TPST2: variants seen among roughly 807,000 people sequenced by gnomAD.
TPST2 encodes protein-tyrosine sulfotransferase 2.
Under a neutral mutation model 27.8 loss-of-function variants are expected in TPST2, and 16 were observed. That is an observed-to-expected ratio of 0.58 (90% CI 0.39 to 0.88). The LOEUF is 0.88. Ranked by LOEUF, TPST2 falls within the 40% of genes least tolerant of loss-of-function variation. The probability of loss-of-function intolerance (pLI) is 0.00; values close to 1 mark genes in which losing one functional copy is unlikely to be tolerated. For synonymous variants in TPST2, 229 were observed against 231.7 expected (o/e 0.99, Z 0.10); for missense variants, 464 against 543.1 (o/e 0.85, Z 1.45).
rs1228193191 is a variant in TPST2 at position 26,541,596 on chromosome 22, G to A, written c.35C>T (p.Ala12Val). The A allele has an allele frequency of 1.9e-6, 3 of 1,596,476 alleles. No individual in the cohort carries two copies. The highest frequency in any genetic ancestry group is 2.6e-6 in the Non-Finnish European group (3 of 1,174,694). ...RLSVRRVLLA[A>V]GCALVLVLAV... ...CAGCACCAGGACCAGGGCGCAGCCG[G>A]CTGCCAGCAGCACCCTCCGCACCGA... Residue 12 changes from alanine (A) to valine (V), a missense_variant, in exon 3 of 7, where the codon GCC (alanine) becomes GTC (valine). Transcript: ENST00000338754. The surrounding 1 kb of genome is among the most constrained non-coding windows in gnomAD (Gnocchi z 5.9).
intron 1 of TPST2, among the ~76,000 whole-genome samples, chr22:26,568,864 CTTTT>C (rs985608738): frequency 3.3e-5 from 4 of 119,596 alleles, no homozygotes; most frequent in African/African-American, 6.3e-5. Context: ...ACCCTGAATT[CTTTT>C]TTTTTTTTTT....
chr22:26,579,992 C>A (rs1441168761), intron 1 of TPST2, among the ~76,000 whole-genome samples: 3 of 152,098 alleles, frequency 2.0e-5, no homozygotes, highest in African/African-American at 7.2e-5. Flanking sequence ...CGTCTGTAAT[C>A]CCAGTACTTT....
intron 3 of TPST2, among the ~76,000 whole-genome samples, chr22:26,538,374 T>C (rs759744240): frequency 6.6e-6 from 1 of 152,246 alleles, no homozygotes; most frequent in Non-Finnish European, 1.5e-5. Flanking sequence ...TAGGACTTTA[T>C]GGTGCAGAAA....
chr22:26,578,658 C>T lies in TPST2; in HGVS notation c.-161+11395G>A, dbSNP rs779874492. ...CATCTCTCAGAAGTCGGTGTCTACA[C>T]AACAACCGCTGAGGGATGTCAAAGC... On this transcript the variant is annotated intron_variant, in intron 1 of 6. Coordinates refer to ENST00000338754, the MANE Select transcript of TPST2 (RefSeq NM_003595.5). 6.8e-4 allele frequency among the ~76,000 whole-genome samples: 104 copies of T among 152,058 alleles called. 1 individual carries two copies. The highest frequency in any genetic ancestry group is 4.2e-4 in the South Asian group (2 of 4,818).
chr22:26,573,822 T>C (rs986337634), intron 1 of TPST2, among the ~76,000 whole-genome samples: 6 of 152,204 alleles, frequency 3.9e-5, no homozygotes, highest in Admixed American at 3.3e-4. Context: ...TCTGGGGTAG[T>C]GCATACTACG....
Position 26,544,637 on chromosome 22 carries a change from C to A in TPST2, c.-122G>T. ...GGCACTCTCATCTCTGGGCTCCAGC[C>A]CTTGTGCCTGTGTGCCAAGGCTGTC... is the stretch of plus-strand genomic sequence containing the variant. On this transcript the variant is annotated 5_prime_UTR_variant, in exon 2 of 7. Coordinates refer to ENST00000338754, the MANE Select transcript of TPST2 (RefSeq NM_003595.5). 1.0e-6 allele frequency: 1 copy of A among 985,968 alleles called. No individual in the cohort carries two copies. The highest frequency in any genetic ancestry group is 1.7e-5 in the African/African-American group (1 of 57,364). 61.1% of individuals were successfully genotyped at this position (985,968 alleles called of 1,614,324 possible).
At chr22:26,576,824 C>T (rs748806507) in intron 1 of TPST2, among the ~76,000 whole-genome samples, 97 of 151,634 alleles carry the variant, frequency 6.4e-4, no homozygotes, top group Non-Finnish European at 1.2e-3. Context: ...AGGCCGGGCG[C>T]GGTGGCTCAC....
intron 1 of TPST2, among the ~76,000 whole-genome samples, chr22:26,564,974 A>C (rs912593877): frequency 2.5e-4 from 38 of 152,264 alleles, no homozygotes; most frequent in Admixed American, 1.8e-3. Flanking sequence ...GGAGAGGGGA[A>C]GCCATCTGCA....
intron 1 of TPST2, among the ~76,000 whole-genome samples, chr22:26,557,367 T>C (rs1426877814): frequency 6.6e-6 from 1 of 152,228 alleles, no homozygotes; most frequent in Non-Finnish European, 1.5e-5. Context: ...TTTCCTCATC[T>C]GTAAAATGGG....
At chr22:26,588,849 G>A (rs1437687738) in intron 1 of TPST2, among the ~76,000 whole-genome samples, 1 of 152,170 alleles carries the variant, frequency 6.6e-6, no homozygotes, top group Non-Finnish European at 1.5e-5. Context: ...AGATGAAAGG[G>A]TTATCACATG....
At chr22:26,546,763 C>T (rs2147197140) in intron 1 of TPST2, among the ~76,000 whole-genome samples, 1 of 152,360 alleles carries the variant, frequency 6.6e-6, no homozygotes, top group African/African-American at 2.4e-5. Flanking sequence ...CTGTACTGGA[C>T]AGTGCACATT....
chr22:26,562,590 G>A, intron 1 of TPST2, among the ~76,000 whole-genome samples: 1 of 149,358 alleles, frequency 6.7e-6, no homozygotes, highest in East Asian at 2.0e-4. Context: ...TAGTTTGGAG[G>A]GGAGCCATCT....
chr22:26,526,881 C>T lies in TPST2; in HGVS notation c.*8-614G>A, dbSNP rs140279283. Among the ~76,000 whole-genome samples the T allele has an allele frequency of 9.1e-3, 1,389 of 152,216 alleles. 20 individuals are homozygous for T. The highest frequency in any genetic ancestry group is 0.032 in the African/African-American group (1,341 of 41,528). On this transcript the variant is annotated intron_variant, in intron 6 of 6. Coordinates refer to ENST00000338754, the MANE Select transcript of TPST2 (RefSeq NM_003595.5). Reference sequence around the variant, plus strand: ...TCACTTGAGGCCAGGAGTTTGAGACCAGCCTGGCCAACATGGTGAAACCCC... The same window carrying T: ...TCACTTGAGGCCAGGAGTTTGAGACTAGCCTGGCCAACATGGTGAAACCCC...
intron 1 of TPST2, among the ~76,000 whole-genome samples, chr22:26,588,151 T>C (rs1195558825): frequency 6.7e-6 from 1 of 150,022 alleles, no homozygotes; most frequent in East Asian, 1.9e-4. Flanking sequence ...GAATGTGGTA[T>C]ATCCACATAA....
intron 6 of TPST2, among the ~76,000 whole-genome samples, chr22:26,527,618 C>T (rs922987623): frequency 1.3e-5 from 2 of 152,220 alleles, no homozygotes; most frequent in African/African-American, 4.8e-5. Flanking sequence ...GGGAGGAATT[C>T]TGTCCCTTGG....
Position 26,525,568 on chromosome 22 carries a change from G to A in TPST2, c.*707C>T, listed in dbSNP as rs762772499. The A allele has an allele frequency of 6.6e-6, 1 of 152,172 alleles. No individual in the cohort carries two copies. 9.4% of individuals were successfully genotyped at this position (152,172 alleles called of 1,614,324 possible). A position where few individuals can be genotyped will look rare whatever the true frequency, so the allele number is the denominator to read the frequency against. ...TGCTGTAATAAACCATAACCATAAGGATAATAGCTCTTCTGAATTCTGAGT... is the reference window on the plus strand; with the variant it reads ...TGCTGTAATAAACCATAACCATAAGAATAATAGCTCTTCTGAATTCTGAGT... On this transcript the variant is annotated 3_prime_UTR_variant, in exon 7 of 7. Coordinates refer to ENST00000338754, the MANE Select transcript of TPST2 (RefSeq NM_003595.5).
In TPST2 at chr22:26,525,821, C is replaced by G. The variant is rs977362051; in HGVS notation, c.*454G>C. 6.6e-6 allele frequency: 1 copy of G among 152,378 alleles called. No homozygotes were observed. Among genetic ancestry groups the G allele is most frequent in the Non-Finnish European group, 1.5e-5 (1 of 68,020 alleles). The allele number at this position is 152,378 out of a possible 1,614,324, so 9.4% of individuals were successfully genotyped here. ...AAGAGTATTTTTTTCCTCTGTGAAA[C>G]TAGGTAGAACTGAGGAGGAATCAAA... On this transcript the variant is annotated 3_prime_UTR_variant, in exon 7 of 7. Coordinates refer to ENST00000338754, the MANE Select transcript of TPST2 (RefSeq NM_003595.5).
At chr22:26,549,078 G>A (rs1602270986) in intron 1 of TPST2, among the ~76,000 whole-genome samples, 3 of 152,316 alleles carry the variant, frequency 2.0e-5, no homozygotes, top group Admixed American at 2.0e-4. Flanking sequence ...TGTGCCTAGC[G>A]CAAATGAGAA....
chr22:26,541,058 G>A lies in TPST2; in HGVS notation c.573C>T (p.Ser191=). The A allele has an allele frequency of 6.2e-7, 1 of 1,612,952 alleles. No homozygotes were observed. The highest frequency in any genetic ancestry group is 8.5e-7 in the Non-Finnish European group (1 of 1,179,296). The change falls in exon 3 of 7, where the codon TCC becomes TCT. Residue 191 remains serine, a synonymous_variant. Transcript: ENST00000338754. The surrounding 1 kb of genome is among the most constrained non-coding windows in gnomAD (Gnocchi z 5.9). ...CAATGGTGACTTTGCGCGTGATCAT[G>A]GAGTGCACGGAGGCCCGGCCGTCCC... ...MVRDGRASVH[S]MITRKVTIAG... is the part of the protein sequence containing the mutation.
Sources: allele counts gnomAD v4.1 joint callset (sites outside exome capture counted in the v4.1 genomes callset), GRCh38; gene constraint gnomAD v4.1.1; non-coding constraint Gnocchi (gnomAD v3.1); transcripts MANE v1.5; gene names NCBI Gene and HGNC (gene_info 2026-07-23, HGNC 2026-07-21).